Variants in MVB12B observed in about 807,000 individuals in gnomAD.
MVB12B encodes ESCRT-I complex subunit MVB12B.
Under a neutral mutation model 41.6 loss-of-function variants are expected in MVB12B, and 16 were observed. That is an observed-to-expected ratio of 0.38 (90% CI 0.26 to 0.58). The LOEUF (loss-of-function observed/expected upper bound fraction) is 0.58. MVB12B is among the 20% of genes least tolerant of loss of function. The pLI, the probability that MVB12B is intolerant of heterozygous loss-of-function variation, is 0.62. For missense variants in MVB12B, 274 were observed against 380.2 expected, an observed-to-expected ratio of 0.72 and a Z score of 2.32; for synonymous variants, 133 against 139.7, an observed-to-expected ratio of 0.95 and a Z score of 0.34.
intron 6 of MVB12B, 133 bp from the exon 7 acceptor site, chr9:126,421,721 G>A (rs1039399924): frequency 1.4e-6 from 1 of 697,142 alleles, no homozygotes; most frequent in African/African-American, 1.8e-5. Flanking sequence ...TGATTGAGAA[G>A]GAGGCGCTGG....
At chr9:126,429,320 A>T (rs1484073679) in intron 7 of MVB12B, among the ~76,000 whole-genome samples, 1 of 152,244 alleles carries the variant, frequency 6.6e-6, no homozygotes, top group East Asian at 1.9e-4. Flanking sequence ...AATTGATCGC[A>T]TGGTGTATTT....
At chr9:126,492,218 C>T (rs1368821063) in intron 9 of MVB12B, among the ~76,000 whole-genome samples, 1 of 148,276 alleles carries the variant, frequency 6.7e-6, no homozygotes, top group Non-Finnish European at 1.5e-5. Context: ...TCGCATGTTC[C>T]TTTACAGATC....
At chr9:126,466,515 G>A (rs562909312) in intron 7 of MVB12B, among the ~76,000 whole-genome samples, 8 of 152,282 alleles carry the variant, frequency 5.3e-5, no homozygotes, top group Non-Finnish European at 8.8e-5. Flanking sequence ...ACACATACGC[G>A]GATAGTGTGA....
intron 2 of MVB12B, among the ~76,000 whole-genome samples, chr9:126,364,287 G>A (rs971842287): frequency 1.3e-5 from 2 of 152,136 alleles, no homozygotes; most frequent in Non-Finnish European, 2.9e-5. Flanking sequence ...TCCTGTCATC[G>A]GGCATGACTC....
rs1008602 is a variant in MVB12B at position 126,380,214 on chromosome 9, A to G, written c.205-850A>G. Among the ~76,000 whole-genome samples, 431 of 152,232 alleles carry G rather than the reference A, an allele frequency of 2.8e-3. 3 individuals carry two copies. The highest frequency in any genetic ancestry group is 4.7e-3 in the Non-Finnish European group (317 of 68,006). ...ACCAGCGATTCACAGAGCAGTCTGG[A>G]AAGAAATAGGAAGAAAGCACCGCCC... On this transcript the variant is annotated intron_variant, in intron 2 of 9. Transcript: ENST00000361171.
intron 7 of MVB12B, among the ~76,000 whole-genome samples, chr9:126,425,494 G>A (rs144754860): frequency 2.2e-4 from 34 of 152,138 alleles, no homozygotes; most frequent in African/African-American, 7.2e-4. Context: ...AAACCCTGCC[G>A]GCCTGCAGGA....
At chr9:126,418,774 T>G (rs1831904811) in intron 6 of MVB12B, among the ~76,000 whole-genome samples, 1 of 152,044 alleles carries the variant, frequency 6.6e-6, no homozygotes, top group Non-Finnish European at 1.5e-5. Context: ...CCCTGCTGCA[T>G]CTCTCTGATT....
At chr9:126,338,004 T>A (rs926179803) in intron 1 of MVB12B, among the ~76,000 whole-genome samples, 1 of 152,208 alleles carries the variant, frequency 6.6e-6, no homozygotes, top group Non-Finnish European at 1.5e-5. Context: ...TCAGAAAATA[T>A]GTAATTCAGG....
chr9:126,448,925 G>A (rs1832841912), intron 7 of MVB12B, among the ~76,000 whole-genome samples: 1 of 152,176 alleles, frequency 6.6e-6, no homozygotes. Flanking sequence ...TTTGATCATT[G>A]GAAGTGCTTA....
intron 6 of MVB12B, among the ~76,000 whole-genome samples, chr9:126,412,460 C>T (rs1260808350): frequency 6.6e-6 from 1 of 152,174 alleles, no homozygotes; most frequent in East Asian, 1.9e-4. Flanking sequence ...TGTCCACCAG[C>T]AGACACATTA....
At chr9:126,454,268 C>A (rs2119165217) in intron 7 of MVB12B, among the ~76,000 whole-genome samples, 1 of 152,244 alleles carries the variant, frequency 6.6e-6, no homozygotes, top group South Asian at 2.1e-4. Context: ...CTGCCCTGAC[C>A]CACCAGGGTC....
chr9:126,425,472 C>T (rs889922843), intron 7 of MVB12B, among the ~76,000 whole-genome samples: 2 of 152,150 alleles, frequency 1.3e-5, no homozygotes, highest in African/African-American at 4.8e-5. Flanking sequence ...GTGAGTGTGG[C>T]ATGTCCTTGG....
intron 1 of MVB12B, among the ~76,000 whole-genome samples, chr9:126,339,339 T>A (rs1829373534): frequency 6.6e-6 from 1 of 152,222 alleles, no homozygotes; most frequent in Admixed American, 6.5e-5. Context: ...TAACCAGCCT[T>A]GAGAGATCTG....
intron 7 of MVB12B, among the ~76,000 whole-genome samples, chr9:126,430,611 ACAAAGG>A (rs1173379346): frequency 9.3e-5 from 14 of 151,312 alleles, no homozygotes; most frequent in Admixed American, 9.2e-4. Flanking sequence ...ATGTAGGTAA[ACAAAGG>A]CAAAGACAAG....
Position 126,340,701 on chromosome 9 carries a change from C to T in MVB12B, c.204+71C>T. On this transcript the variant is annotated intron_variant, in intron 2 of 9. Transcript: ENST00000361171. This position sits in a 1 kb window ranked among gnomAD's most constrained non-coding sequence, Gnocchi z 4.0. The stretch of plus-strand genomic sequence containing the variant: ...AGTATTTATCTCCTGTGTCCAAGAC[C>T]TTCTGGCCCTTGCGTGTAAGATGTG... 1.3e-6 allele frequency: 2 copies of T among 1,553,708 alleles called. No individual in the cohort carries two copies. The highest frequency in any genetic ancestry group is 1.8e-6 in the Non-Finnish European group (2 of 1,133,934).
chr9:126,364,093 C>G (rs1009646330), intron 2 of MVB12B, among the ~76,000 whole-genome samples: 2 of 152,174 alleles, frequency 1.3e-5, no homozygotes, highest in Non-Finnish European at 1.5e-5. Flanking sequence ...TTAGCTGGCT[C>G]CTTTCTGTTT....
intron 8 of MVB12B, among the ~76,000 whole-genome samples, chr9:126,482,505 G>A (rs1046105430): frequency 6.6e-6 from 1 of 152,044 alleles, no homozygotes; most frequent in African/African-American, 2.4e-5. Context: ...GACTCCACGG[G>A]GCCGCGTTGC....
chr9:126,492,545 A>G (rs930042921), intron 9 of MVB12B, among the ~76,000 whole-genome samples: 2 of 151,998 alleles, frequency 1.3e-5, no homozygotes, highest in African/African-American at 2.4e-5. Flanking sequence ...TTAATTTTTA[A>G]TCTCTGCTTA....
intron 7 of MVB12B, chr9:126,427,020 A>C (rs1242092183): frequency 6.6e-6 from 1 of 152,230 alleles, no homozygotes; most frequent in Non-Finnish European, 1.5e-5. Context: ...TTATTGCCAC[A>C]TGAGTGTTAG....
Sources: allele counts gnomAD v4.1 joint callset (sites outside exome capture counted in the v4.1 genomes callset), GRCh38; gene constraint gnomAD v4.1.1; non-coding constraint Gnocchi (gnomAD v3.1); transcripts MANE v1.5; gene names NCBI Gene and HGNC (gene_info 2026-07-23, HGNC 2026-07-21).